The following OTUD4 variants were observed in gnomAD, a reference collection of about 807,000 sequenced individuals.
The protein encoded by OTUD4 is OTU domain-containing protein 4.
A neutral mutation model predicts 130.4 loss-of-function variants in OTUD4; 24 were observed. The ratio of observed to expected loss-of-function variants is 0.18; its 90% confidence interval spans 0.13 to 0.26. OTUD4 has a LOEUF of 0.26. Ranked by LOEUF, OTUD4 falls within the 10% of genes least tolerant of loss-of-function variation. The probability of loss-of-function intolerance (pLI) is 1.00; values close to 1 mark genes in which losing one functional copy is unlikely to be tolerated. For synonymous variants in OTUD4, 420 were observed against 472.5 expected (o/e 0.89, Z 1.44); for missense variants, 1,031 against 1,329.4 (o/e 0.78, Z 3.49).
intron 18 of OTUD4, among the ~76,000 whole-genome samples, chr4:145,141,882 G>T (rs747689639): frequency 6.6e-6 from 1 of 152,074 alleles, no homozygotes; most frequent in Non-Finnish European, 1.5e-5. Context: ...TGGTCAAGGG[G>T]TTCATTACGG....
chr4:145,168,653 C>T (rs1227178354), intron 3 of OTUD4, among the ~76,000 whole-genome samples: 1 of 152,092 alleles, frequency 6.6e-6, no homozygotes, highest in East Asian at 1.9e-4. Flanking sequence ...CAAGTTAAAT[C>T]ACAAAGAGTG....
intron 3 of OTUD4, among the ~76,000 whole-genome samples, chr4:145,166,227 CAGA>C (rs373559744): frequency 6.6e-6 from 1 of 151,428 alleles, no homozygotes; most frequent in East Asian, 1.9e-4. Context: ...TAGAAAAGGG[CAGA>C]AGATCTCTTC....
intron 13 of OTUD4, among the ~76,000 whole-genome samples, chr4:145,146,821 T>TA (rs943088642): frequency 2.6e-5 from 4 of 152,226 alleles, no homozygotes; most frequent in African/African-American, 9.6e-5. Context: ...GGAAAGTTAT[T>TA]AGTTTAGGTC....
chr4:145,169,041 A>C (rs371229580), intron 3 of OTUD4, among the ~76,000 whole-genome samples: 1 of 152,268 alleles, frequency 6.6e-6, no homozygotes, highest in African/African-American at 2.4e-5. Flanking sequence ...AGCCAAATAC[A>C]TAAGACTACA....
At position 145,135,827 on chromosome 4, in the gene OTUD4, G is replaced by A. The variant is rs1353041445; in HGVS notation, c.*1603C>T. 6.6e-6 allele frequency: 1 copy of A among 152,576 alleles called. No homozygotes were observed. Among genetic ancestry groups the A allele is most frequent in the Non-Finnish European group, 1.5e-5 (1 of 68,024 alleles). 9.5% of individuals were successfully genotyped at this position (152,576 alleles called of 1,614,324 possible). On this transcript the variant is annotated 3_prime_UTR_variant, in exon 21 of 21. Coordinates refer to ENST00000447906, the MANE Select transcript of OTUD4 (RefSeq NM_001366057.1). The stretch of plus-strand genomic sequence containing the variant: ...CGTTAGGTAATTAAAACAGCACAGA[G>A]GTAAATAACCATTATTACAGTACAG...
At chr4:145,139,085 G>C (rs755250759) in intron 20 of OTUD4, among the ~76,000 whole-genome samples, 8 of 152,134 alleles carry the variant, frequency 5.3e-5, no homozygotes, top group Non-Finnish European at 7.4e-5. Context: ...AGAGTACTCC[G>C]AATGTAAGGA....
chr4:145,170,296 A>C (rs1280681184), intron 3 of OTUD4, among the ~76,000 whole-genome samples: 2 of 152,232 alleles, frequency 1.3e-5, no homozygotes, highest in East Asian at 3.8e-4. Flanking sequence ...GCTCTCCCAC[A>C]GTCTGGCCCC....
intron 14 of OTUD4, among the ~76,000 whole-genome samples, chr4:145,145,720 T>G (rs11728460): frequency 5.3e-5 from 8 of 152,180 alleles, no homozygotes; most frequent in Non-Finnish European, 1.2e-4. Context: ...TCATTCTACA[T>G]GAGAACAGTT....
At chr4:145,168,413 T>TAAAA (rs11432018) in intron 3 of OTUD4, among the ~76,000 whole-genome samples, 3 of 122,864 alleles carry the variant, frequency 2.4e-5, no homozygotes, top group Non-Finnish European at 5.0e-5. Context: ...AATAAAAAAT[T>TAAAA]AAAAAAAAAA....
At chr4:145,156,991 C>T (rs562778126) in intron 7 of OTUD4, among the ~76,000 whole-genome samples, 2 of 151,968 alleles carry the variant, frequency 1.3e-5, no homozygotes, top group South Asian at 2.1e-4. Context: ...TCACAGGGCC[C>T]GTGGTAGGAC....
Position 145,137,663 on chromosome 4 carries a change from T to C in OTUD4, c.3112A>G (p.Arg1038Gly), listed in dbSNP as rs1324381732. ...NEVSNILRSG[R>G]SKQFYNQTYG... The stretch of plus-strand genomic sequence containing the variant: ...GTTTGATTATAGAACTGCTTGGATC[T>C]ACCACTTCTCAAAATATTAGACACT... Residue 1038 changes from arginine to glycine, a missense_variant, in exon 21 of 21, where the codon AGA becomes GGA. By Grantham distance (125) the Arg-to-Gly change is moderately radical. This residue lies in a region of OTUD4 where 900 missense variants were observed against 1,095.9 expected (regional missense o/e 0.82). Transcript: ENST00000447906. 3 of 1,613,890 alleles carry C rather than the reference T, an allele frequency of 1.9e-6. No individual in the cohort carries two copies. The highest frequency in any genetic ancestry group is 2.2e-5 in the South Asian group (2 of 91,084).
Position 145,138,078 on chromosome 4 carries a change from C to A in OTUD4, c.2697G>T (p.Leu899=), listed in dbSNP as rs771657350. The change falls in exon 21 of 21, where the codon CTG becomes CTT. Residue 899 remains leucine (L), a synonymous_variant. Coordinates refer to ENST00000447906, the MANE Select transcript of OTUD4 (RefSeq NM_001366057.1). ...ELDLSLENLD[L]SKDCGSVSTV... Reference sequence around the variant, plus strand: ...TTGAAACTGAACCACAATCTTTAGACAGATCCAGATTTTCCAGAGACAGAT... The same window carrying A: ...TTGAAACTGAACCACAATCTTTAGAAAGATCCAGATTTTCCAGAGACAGAT... 1.1e-5 allele frequency: 17 copies of A among 1,613,984 alleles called. No individual in the cohort carries two copies. Among genetic ancestry groups the A allele is most frequent in the Middle Eastern group, 1.6e-4 (1 of 6,080 alleles).
chr4:145,164,471 T>C (rs910168650), intron 4 of OTUD4, among the ~76,000 whole-genome samples: 1 of 152,206 alleles, frequency 6.6e-6, no homozygotes. Context: ...AAAGGGACAC[T>C]TCAAAAATCA....
chr4:145,142,053 A>G, intron 18 of OTUD4, 143 bp downstream of exon 18: 1 of 706,176 alleles, frequency 1.4e-6, no homozygotes, highest in Non-Finnish European at 2.5e-6. Context: ...CATTGGAAGC[A>G]GAGCAAAGCA....
chr4:145,174,269 A>C (rs1752317816), intron 2 of OTUD4, among the ~76,000 whole-genome samples: 1 of 152,080 alleles, frequency 6.6e-6, no homozygotes, highest in Non-Finnish European at 1.5e-5. Flanking sequence ...CCATGCCCAG[A>C]CTGAATTTTT....
At position 145,159,539 on chromosome 4, in the gene OTUD4, T is replaced by C; in HGVS notation, c.593A>G (p.Asn198Ser). Residue 198 changes from asparagine to serine, a missense_variant, in exon 7 of 21, where the codon AAC becomes AGC. This residue lies in a region of OTUD4 where 900 missense variants were observed against 1,095.9 expected (regional missense o/e 0.82). Coordinates refer to ENST00000447906, the MANE Select transcript of OTUD4 (RefSeq NM_001366057.1). Reference protein sequence around the residue: ...LDTLEVADEDNSEISDSEDDS... With the variant: ...LDTLEVADEDSSEISDSEDDS... ...ATCCTCTGAATCTGATATTTCACTG[T>C]TATCTTCATCAGCTACTTCCAACGT... 1 of 1,613,668 alleles carries C rather than the reference T, an allele frequency of 6.2e-7. No homozygotes were observed. The highest frequency in any genetic ancestry group is 8.5e-7 in the Non-Finnish European group (1 of 1,179,722).
chr4:145,143,575 A>C (rs893216483), intron 16 of OTUD4, 130 bp from the exon 17 acceptor site: 20 of 611,868 alleles, frequency 3.3e-5, no homozygotes, highest in Admixed American at 2.8e-4. Context: ...ATTTTTTCCA[A>C]TTATATGTTA....
At chr4:145,139,291 T>C (rs1012869089) in intron 20 of OTUD4, among the ~76,000 whole-genome samples, 1 of 152,232 alleles carries the variant, frequency 6.6e-6, no homozygotes, top group African/African-American at 2.4e-5. Flanking sequence ...TTTCTTTTTA[T>C]GAAAGTGGTC....
chr4:145,137,514 G>A lies in OTUD4; in HGVS notation c.3261C>T (p.Tyr1087=). 6.2e-7 allele frequency: 1 copy of A among 1,611,398 alleles called. No individual in the cohort carries two copies. Among genetic ancestry groups the A allele is most frequent in the South Asian group, 1.1e-5 (1 of 91,018 alleles). ...PSRSRDEGYQ[Y]HRNVRGRPFR... ...ATGGTCGCCCTCTGACATTTCGATG[G>A]TACTGATAACCTTCATCCCGACTTC... is the stretch of plus-strand genomic sequence containing the variant. Residue 1087 remains tyrosine (Y), a synonymous_variant, in exon 21 of 21, where the codon TAC becomes TAT. Transcript: ENST00000447906.
Sources: gnomAD v4.1 joint callset for allele counts (sites outside exome capture counted in the v4.1 genomes callset) on GRCh38, gnomAD v4.1.1 for gene constraint, gnomAD v4.1.1 regional missense constraint, MANE v1.5 for transcripts, NCBI Gene and HGNC (gene_info 2026-07-23, HGNC 2026-07-21) for gene names.